Variants in NECTIN3 observed in about 807,000 individuals in gnomAD.
NECTIN3 encodes the protein nectin cell adhesion molecule 3.
A neutral mutation model predicts 49.4 loss-of-function variants in NECTIN3; 8 were observed. The observed-to-expected ratio is 0.16, with a 90% CI of 0.10 to 0.29. NECTIN3 has a LOEUF of 0.29. Ranked by LOEUF, NECTIN3 falls within the 10% of genes least tolerant of loss-of-function variation. The pLI, the probability that NECTIN3 is intolerant of heterozygous loss-of-function variation, is 1.00. For synonymous variants in NECTIN3, 277 were observed against 241.1 expected, an observed-to-expected ratio of 1.15 and a Z score of -1.38; for missense variants, 581 against 654.6, an observed-to-expected ratio of 0.89 and a Z score of 1.23.
chr3:111,167,060 G>A (rs921115107), intron 7 of NECTIN3, among the ~76,000 whole-genome samples: 1 of 152,030 alleles, frequency 6.6e-6, no homozygotes, highest in Non-Finnish European at 1.5e-5. Flanking sequence ...AGTTAGAAGT[G>A]AATTTTTGCA....
chr3:111,193,327 A>C, intron 1 of NECTIN3: 1 of 1,535,948 alleles, frequency 6.5e-7, no homozygotes, highest in Non-Finnish European at 8.7e-7. Context: ...AAACATCATC[A>C]AAATAACGAC....
At position 111,134,069 on chromosome 3, in the gene NECTIN3, A is replaced by T. The variant is rs1218222582; in HGVS notation, c.1504A>T (p.Asn502Tyr). Residue 502 changes from asparagine (N) to tyrosine (Y), a missense_variant, in exon 6 of 6, where the codon AAT becomes TAT. Physicochemically the swap from Asn to Tyr is moderately radical, Grantham distance 143. Transcript: ENST00000485303. ...KTQWNNVENLNRFERPMDYYE... is the reference protein window; with the variant it reads ...KTQWNNVENLYRFERPMDYYE... Reference sequence around the variant, plus strand: ...TCAGTGGAACAATGTAGAAAATCTCAATAGGTTTGAAAGACCAATGGATTA... The same window carrying T: ...TCAGTGGAACAATGTAGAAAATCTCTATAGGTTTGAAAGACCAATGGATTA... The T allele has an allele frequency of 6.2e-7, 1 of 1,612,492 alleles. No homozygotes were observed. Among genetic ancestry groups the T allele is most frequent in the Non-Finnish European group, 8.5e-7 (1 of 1,178,756 alleles).
intron 7 of NECTIN3, among the ~76,000 whole-genome samples, chr3:111,183,353 C>T (rs1394292932): frequency 6.6e-6 from 1 of 151,268 alleles, no homozygotes; most frequent in Non-Finnish European, 1.5e-5. Context: ...TTCTTGTTGC[C>T]CAGGCTGGAG....
chr3:111,126,388 C>A, intron 5 of NECTIN3, 53 bp downstream of exon 5: 1 of 1,436,270 alleles, frequency 7.0e-7, no homozygotes, highest in Non-Finnish European at 9.6e-7. Flanking sequence ...TCTGAATAAT[C>A]ATAGTAACAA....
intron 1 of NECTIN3, among the ~76,000 whole-genome samples, chr3:111,073,933 G>A (rs986571631): frequency 2.0e-5 from 3 of 150,986 alleles, no homozygotes; most frequent in Non-Finnish European, 4.4e-5. Flanking sequence ...AAATCTCAAT[G>A]TAGCATTGGA....
chr3:111,140,907 A>G (rs1188447270), downstream of NECTIN3, among the ~76,000 whole-genome samples: 1 of 151,902 alleles, frequency 6.6e-6, no homozygotes. Context: ...ATTTTCATGA[A>G]ATGTCTTTTT....
Position 111,135,000 on chromosome 3 carries a change from T to G in NECTIN3, c.*785T>G. 1.0e-6 allele frequency: 1 copy of G among 978,062 alleles called. No homozygotes were observed. Among genetic ancestry groups the G allele is most frequent in the Non-Finnish European group, 1.2e-6 (1 of 823,566 alleles). 60.6% of individuals were successfully genotyped at this position (978,062 alleles called of 1,614,324 possible). ...GTTTTTTTTTTTCCTTTCTGGAACA[T>G]GGATTTTGGTACATTAGCAGTAGCC... On this transcript the variant is annotated 3_prime_UTR_variant, in exon 6 of 6. Coordinates refer to ENST00000485303, the MANE Select transcript of NECTIN3 (RefSeq NM_015480.3).
rs2034545485 is a variant in NECTIN3 at position 111,135,470 on chromosome 3, A to G, written c.*1255A>G. On this transcript the variant is annotated 3_prime_UTR_variant, in exon 6 of 6. Transcript: ENST00000485303. ...AGAAAGAAATGTTACCTAAACTTCA[A>G]ATGTGCTTTTTGTTTGTGAGGTAAT... The G allele has an allele frequency of 2.1e-6, 2 of 954,984 alleles. No homozygotes were observed. Among genetic ancestry groups the G allele is most frequent in the South Asian group, 4.8e-5 (1 of 20,660 alleles). 59.2% of individuals were successfully genotyped at this position (954,984 alleles called of 1,614,324 possible). A position where few individuals can be genotyped will look rare whatever the true frequency, so the allele number is the denominator to read the frequency against.
At position 111,133,911 on chromosome 3, in the gene NECTIN3, T is replaced by A. The variant is rs746663813; in HGVS notation, c.1346T>A (p.Met449Lys). 6.2e-7 allele frequency: 1 copy of A among 1,613,734 alleles called. No individual in the cohort carries two copies. Among genetic ancestry groups the A allele is most frequent in the African/African-American group, 1.3e-5 (1 of 74,882 alleles). Residue 449 changes from methionine to lysine, a missense_variant, in exon 6 of 6, where the codon ATG becomes AAG. Transcript: ENST00000485303. ...AAGAACTACATTCCACCATCAGATA[T>A]GCAAAAAGAATCACAAATAGATGTT... ...FAKNYIPPSD[M>K]QKESQIDVLQ...
At chr3:111,153,455 C>A (rs1457064553) in intron 7 of NECTIN3, among the ~76,000 whole-genome samples, 1 of 151,916 alleles carries the variant, frequency 6.6e-6, no homozygotes, top group African/African-American at 2.4e-5. Flanking sequence ...TTCATCATAT[C>A]AAAGCTTTTG....
intron 1 of NECTIN3, among the ~76,000 whole-genome samples, chr3:111,086,799 A>G (rs2031958360): frequency 6.6e-6 from 1 of 152,102 alleles, no homozygotes. Flanking sequence ...TTAAATTTAT[A>G]TGGATTAATG....
At chr3:111,099,852 T>A (rs1277445952) in intron 1 of NECTIN3, among the ~76,000 whole-genome samples, 1 of 152,144 alleles carries the variant, frequency 6.6e-6, no homozygotes, top group Non-Finnish European at 1.5e-5. Flanking sequence ...CCTCAAACAA[T>A]TTTAGTGCTT....
chr3:111,189,561 G>T (rs575701338), upstream of NECTIN3, among the ~76,000 whole-genome samples: 1 of 152,302 alleles, frequency 6.6e-6, no homozygotes, highest in South Asian at 2.1e-4. Flanking sequence ...CAAGTTAGAT[G>T]CAGCAGTGAG....
intron 1 of NECTIN3, among the ~76,000 whole-genome samples, chr3:111,080,410 A>C (rs760993143): frequency 2.1e-4 from 32 of 152,272 alleles, no homozygotes; most frequent in African/African-American, 7.5e-4. Flanking sequence ...CTTTTCCTTC[A>C]AAAGCTTTAA....
At chr3:111,099,740 C>T (rs2032794756) in intron 1 of NECTIN3, among the ~76,000 whole-genome samples, 1 of 152,104 alleles carries the variant, frequency 6.6e-6, no homozygotes, top group South Asian at 2.1e-4. Flanking sequence ...TCTGTGCTTA[C>T]CTCTTAGCTG....
Position 111,135,881 on chromosome 3 carries a change from T to C in NECTIN3, c.*1666T>C. ...CCTCTTTTATTTCTCTTCCCAAAAGTAATACTTATTATAAGGCTGTAGTAT... is the reference window on the plus strand; with the variant it reads ...CCTCTTTTATTTCTCTTCCCAAAAGCAATACTTATTATAAGGCTGTAGTAT... On this transcript the variant is annotated 3_prime_UTR_variant, in exon 6 of 6. Coordinates refer to ENST00000485303, the MANE Select transcript of NECTIN3 (RefSeq NM_015480.3). 3 of 909,162 alleles carry C rather than the reference T, an allele frequency of 3.3e-6. No homozygotes were observed. Among genetic ancestry groups the C allele is most frequent in the Non-Finnish European group, 3.9e-6 (3 of 772,820 alleles). 56.3% of individuals were successfully genotyped at this position (909,162 alleles called of 1,614,324 possible). A position where few individuals can be genotyped will look rare whatever the true frequency, so the allele number is the denominator to read the frequency against.
At chr3:111,142,455 T>G (rs764746674), downstream of NECTIN3, among the ~76,000 whole-genome samples, 1 of 151,794 alleles carries the variant, frequency 6.6e-6, no homozygotes, top group African/African-American at 2.4e-5. Context: ...AAGGAAGTGT[T>G]GTGATATAGT....
chr3:111,145,609 C>T (rs908929681), intron 6 of NECTIN3, among the ~76,000 whole-genome samples: 16 of 152,282 alleles, frequency 1.1e-4, no homozygotes, highest in Middle Eastern at 3.4e-3. Flanking sequence ...GCTGTAGAAT[C>T]AGATGACCAG....
intron 7 of NECTIN3, among the ~76,000 whole-genome samples, chr3:111,158,241 A>G (rs1407838803): frequency 1.3e-5 from 2 of 152,054 alleles, no homozygotes; most frequent in Non-Finnish European, 2.9e-5. Context: ...AAAACTTGCT[A>G]TTGGTGGAAT....
Sources: allele counts gnomAD v4.1 joint callset (sites outside exome capture counted in the v4.1 genomes callset), GRCh38; gene constraint gnomAD v4.1.1; transcripts MANE v1.5; gene names NCBI Gene and HGNC (gene_info 2026-07-23, HGNC 2026-07-21).